The following SNRPD1 variants were observed in gnomAD, a reference collection of about 807,000 sequenced individuals.
SNRPD1 encodes the protein small nuclear ribonucleoprotein D1 polypeptide.
Under a neutral mutation model 14.4 loss-of-function variants are expected in SNRPD1, and 1 was observed. That is an observed-to-expected ratio of 0.07 (90% CI 0.02 to 0.33). The LOEUF (loss-of-function observed/expected upper bound fraction) is 0.33. SNRPD1 is among the 10% of genes least tolerant of loss of function. SNRPD1 has a pLI of 1.00. For synonymous variants in SNRPD1, 42 were observed against 50.3 expected (o/e 0.83, Z 0.70); for missense variants, 52 against 146.4 (o/e 0.36, Z 3.33).
intron 1 of SNRPD1, among the ~76,000 whole-genome samples, chr18:21,618,447 G>A (rs1334592386): frequency 6.8e-6 from 1 of 147,418 alleles, no homozygotes; most frequent in East Asian, 2.0e-4. Context: ...GCCACATAAG[G>A]TTTTTTTTTT....
At chr18:21,627,595 T>TTTGTTG (rs951571300) in intron 3 of SNRPD1, among the ~76,000 whole-genome samples, 2 of 151,694 alleles carry the variant, frequency 1.3e-5, no homozygotes, top group South Asian at 2.1e-4. Context: ...GCCCAGCCCT[T>TTTGTTG]TTGTTGTTGT....
chr18:21,619,130 T>C (rs748671703), intron 1 of SNRPD1, among the ~76,000 whole-genome samples: 10 of 152,180 alleles, frequency 6.6e-5, no homozygotes, highest in Non-Finnish European at 1.5e-4. Context: ...AGAAAATGCA[T>C]GCTGAAGTGT....
intron 1 of SNRPD1, 84 bp from the exon 2 acceptor site, chr18:21,622,641 A>G: frequency 1.4e-6 from 1 of 690,076 alleles, no homozygotes. Context: ...GCAAATTTTC[A>G]ACATCGAGTT....
intron 3 of SNRPD1, among the ~76,000 whole-genome samples, chr18:21,626,799 A>G (rs2146262084): frequency 6.6e-6 from 1 of 151,786 alleles, no homozygotes; most frequent in Non-Finnish European, 1.5e-5. Context: ...AAAAAAAAAA[A>G]AATTGTTTTG....
At position 21,632,479 on chromosome 18, in the gene SNRPD1, T is replaced by G. The variant is rs1470705531; in HGVS notation, c.*3341T>G. ...TTCAAAAAAAAAAAAAAAATTTGTT[T>G]TGAGAGTTTTTGTGTCTAGGATGTT... is the stretch of plus-strand genomic sequence containing the variant. On this transcript the variant is annotated 3_prime_UTR_variant, in exon 4 of 4. Coordinates refer to ENST00000300413, the MANE Select transcript of SNRPD1 (RefSeq NM_006938.4). The G allele has an allele frequency of 6.6e-6, 1 of 151,930 alleles. No individual in the cohort carries two copies. The highest frequency in any genetic ancestry group is 1.5e-5 in the Non-Finnish European group (1 of 68,006). 9.4% of individuals were successfully genotyped at this position (151,930 alleles called of 1,614,324 possible).
chr18:21,622,182 C>T (rs1489917352), intron 1 of SNRPD1, among the ~76,000 whole-genome samples: 8 of 151,910 alleles, frequency 5.3e-5, no homozygotes, highest in Non-Finnish European at 1.2e-4. Context: ...CTCTGTTGCC[C>T]AGGCTGGAGT....
At chr18:21,626,924 G>A (rs1158787434) in intron 3 of SNRPD1, among the ~76,000 whole-genome samples, 9 of 150,454 alleles carry the variant, frequency 6.0e-5, no homozygotes, top group African/African-American at 1.2e-4. Context: ...TGTCTTCTGC[G>A]TTGGCCTCCC....
At chr18:21,624,839 C>G (rs1293233857) in intron 3 of SNRPD1, among the ~76,000 whole-genome samples, 1 of 151,812 alleles carries the variant, frequency 6.6e-6, no homozygotes, top group Non-Finnish European at 1.5e-5. Context: ...TTCTTAAGTC[C>G]CTTTTCATAA....
intron 1 of SNRPD1, among the ~76,000 whole-genome samples, chr18:21,617,840 G>T (rs1336284378): frequency 6.6e-6 from 1 of 152,096 alleles, no homozygotes; most frequent in East Asian, 1.9e-4. Context: ...TTAGCTGGGT[G>T]TGGTGGCATG....
intron 1 of SNRPD1, among the ~76,000 whole-genome samples, chr18:21,620,011 A>G (rs1031486054): frequency 3.3e-5 from 5 of 151,180 alleles, no homozygotes; most frequent in Admixed American, 6.6e-5. Flanking sequence ...CTGCAGTGCA[A>G]TGGCATGATC....
rs1222165490 is a variant in SNRPD1 at position 21,629,140 on chromosome 18, G to T, written c.*2G>T. On this transcript the variant is annotated 3_prime_UTR_variant, in exon 4 of 4. Transcript: ENST00000300413. ...GGAAGAGGGGGTCCTAGGCGATAAT[G>T]TCTCTCAAGATTTCAAAGTCATATG... The T allele has an allele frequency of 2.2e-5, 36 of 1,604,554 alleles. No homozygotes were observed. The highest frequency in any genetic ancestry group is 3.1e-5 in the Non-Finnish European group (36 of 1,171,620).
At chr18:21,619,411 A>T (rs890964443) in intron 1 of SNRPD1, among the ~76,000 whole-genome samples, 1 of 148,240 alleles carries the variant, frequency 6.7e-6, no homozygotes. Context: ...CGAACTTCTG[A>T]CCTCAGGTGA....
At chr18:21,620,491 A>G (rs1598492095) in intron 1 of SNRPD1, among the ~76,000 whole-genome samples, 1 of 152,232 alleles carries the variant, frequency 6.6e-6, no homozygotes, top group Admixed American at 6.5e-5. Flanking sequence ...TGAGAAGTGG[A>G]TAGATTGTTC....
chr18:21,626,918 T>C (rs2039043777), intron 3 of SNRPD1, among the ~76,000 whole-genome samples: 1 of 151,672 alleles, frequency 6.6e-6, no homozygotes, highest in African/African-American at 2.4e-5. Context: ...TCAGGCTGTC[T>C]TCTGCGTTGG....
intron 1 of SNRPD1, among the ~76,000 whole-genome samples, chr18:21,617,852 G>A (rs983399218): frequency 2.0e-5 from 3 of 152,038 alleles, no homozygotes; most frequent in Non-Finnish European, 2.9e-5. Flanking sequence ...GGTGGCATGC[G>A]CCTGTAGTCT....
Position 21,621,504 on chromosome 18 carries a change from G to A in SNRPD1, c.15-1221G>A, listed in dbSNP as rs147585165. 3.6e-3 allele frequency among the ~76,000 whole-genome samples: 547 copies of A among 152,234 alleles called. 2 individuals are homozygous for A. The highest frequency in any genetic ancestry group is 6.0e-3 in the Non-Finnish European group (410 of 68,006). ...CAAATGCTGCCTCCCGGGTTCAAGC[G>A]ATTCTCATGCCCCAGCCTTCCAAGT... On this transcript the variant is annotated intron_variant, in intron 1 of 3. Coordinates refer to ENST00000300413, the MANE Select transcript of SNRPD1 (RefSeq NM_006938.4).
At position 21,633,149 on chromosome 18, in the gene SNRPD1, C is replaced by T. The variant is rs941506316; in HGVS notation, c.*4011C>T. The T allele has an allele frequency of 2.0e-5, 3 of 151,822 alleles. No homozygotes were observed. Among genetic ancestry groups the T allele is most frequent in the Admixed American group, 1.3e-4 (2 of 15,224 alleles). The allele number at this position is 151,822 out of a possible 1,614,324, so 9.4% of individuals were successfully genotyped here. ...ACAGGCGTGAGCCACCGCGTCCGGC[C>T]GAACATTAGTTTTTAAAGAAATGTA... On this transcript the variant is annotated 3_prime_UTR_variant, in exon 4 of 4. Transcript: ENST00000300413.
At position 21,629,378 on chromosome 18, in the gene SNRPD1, T is replaced by A; in HGVS notation, c.*240T>A. 5 of 422,000 alleles carry A rather than the reference T, an allele frequency of 1.2e-5. No homozygotes were observed. The highest frequency in any genetic ancestry group is 6.7e-4 in the Middle Eastern group (1 of 1,482). The allele number at this position is 422,000 out of a possible 1,614,324, so 26.1% of individuals were successfully genotyped here. On this transcript the variant is annotated 3_prime_UTR_variant, in exon 4 of 4. Coordinates refer to ENST00000300413, the MANE Select transcript of SNRPD1 (RefSeq NM_006938.4). ...GTTTTTGAACTAAAATTTTTCTTTT[T>A]CTTTTTATGATGAATAAGGTTAAAA...
chr18:21,618,965 T>G (rs1315226764), intron 1 of SNRPD1, among the ~76,000 whole-genome samples: 1 of 152,212 alleles, frequency 6.6e-6, no homozygotes, highest in Admixed American at 6.6e-5. Flanking sequence ...ATAGGTTATC[T>G]TATGTGTACC....
Sources: gnomAD v4.1 joint callset for allele counts (sites outside exome capture counted in the v4.1 genomes callset) on GRCh38, gnomAD v4.1.1 for gene constraint, MANE v1.5 for transcripts, NCBI Gene and HGNC (gene_info 2026-07-23, HGNC 2026-07-21) for gene names.